The following CSGALNACT1 variants were observed in gnomAD, a reference collection of about 807,000 sequenced individuals.
CSGALNACT1 encodes the protein beta4GalNAcT-1.
In CSGALNACT1, 52 loss-of-function variants were observed where a neutral mutation model predicts 51.0. The ratio of observed to expected loss-of-function variants is 1.02; its 90% CI spans 0.82 to 1.29. The LOEUF is 1.29. Among genes scored for constraint, CSGALNACT1 ranks in the 50% most tolerant of loss-of-function variants. The pLI is 0.00. For missense variants in CSGALNACT1, 935 were observed against 679.2 expected, an observed-to-expected ratio of 1.38 and a Z score of -4.19; for synonymous variants, 341 against 254.4, an observed-to-expected ratio of 1.34 and a Z score of -3.24.
At chr8:19,463,434 C>A (rs1198322053) in intron 4 of CSGALNACT1, among the ~76,000 whole-genome samples, 3 of 151,984 alleles carry the variant, frequency 2.0e-5, no homozygotes, top group Non-Finnish European at 4.4e-5. Flanking sequence ...AAGGACGACA[C>A]CTAAAAAAAT....
At chr8:19,655,134 G>T (rs376806024) in intron 1 of CSGALNACT1, among the ~76,000 whole-genome samples, 1 of 152,226 alleles carries the variant, frequency 6.6e-6, no homozygotes, top group East Asian at 1.9e-4. Flanking sequence ...ATTAGCAGAA[G>T]TCATTTTCCT....
chr8:19,584,140 G>T (rs1048697547), intron 3 of CSGALNACT1, among the ~76,000 whole-genome samples: 1 of 152,176 alleles, frequency 6.6e-6, no homozygotes, highest in East Asian at 1.9e-4. Flanking sequence ...ACCCAGACTT[G>T]TGACTTTTGA....
chr8:19,740,367 G>T (rs1025805512), intron 1 of CSGALNACT1, among the ~76,000 whole-genome samples: 1 of 152,224 alleles, frequency 6.6e-6, no homozygotes, highest in African/African-American at 2.4e-5. Flanking sequence ...CAGCCTCAAA[G>T]CAGCTGCTCT....
rs554290544 is a variant in CSGALNACT1 at position 19,649,195 on chromosome 8, G to A, written c.-544+33278C>T. Among the ~76,000 whole-genome samples the A allele has an allele frequency of 3.7e-4, 56 of 152,300 alleles. No individual in the cohort carries two copies. In the South Asian group the frequency reaches 9.1e-3, roughly 25 times the overall value. ...CAGATGAGAAAAATGGAGGCACAAG[G>A]AGGTTTAGTCACTTGCCCAGGATCA... On this transcript the variant is annotated intron_variant, in intron 1 of 9. Transcript: ENST00000332246.
intron 1 of CSGALNACT1, among the ~76,000 whole-genome samples, chr8:19,756,179 G>C (rs966790898): frequency 5.9e-5 from 9 of 151,764 alleles, no homozygotes; most frequent in African/African-American, 1.9e-4. Context: ...TTTCTTGTAG[G>C]AACAATGTCG....
chr8:19,490,434 C>T (rs2074106210), intron 4 of CSGALNACT1, among the ~76,000 whole-genome samples: 1 of 152,162 alleles, frequency 6.6e-6, no homozygotes, highest in African/African-American at 2.4e-5. Flanking sequence ...TTGAAAACTC[C>T]TATTCATCTC....
intron 6 of CSGALNACT1, among the ~76,000 whole-genome samples, chr8:19,432,648 A>C (rs150834125): frequency 1.8e-3 from 277 of 152,058 alleles, no homozygotes; most frequent in African/African-American, 6.3e-3. Context: ...GAGTCATTGC[A>C]GTTGGCTTAT....
intron 1 of CSGALNACT1, among the ~76,000 whole-genome samples, chr8:19,701,154 T>TTTTTTTTG (rs1491196958): frequency 8.3e-5 from 3 of 36,066 alleles, no homozygotes; most frequent in Non-Finnish European, 1.9e-4. Flanking sequence ...CTATTATCCG[T>TTTTTTTTG]TTTTTTTTTT....
intron 3 of CSGALNACT1, among the ~76,000 whole-genome samples, chr8:19,513,880 C>T (rs1166681838): frequency 2.0e-5 from 3 of 152,108 alleles, no homozygotes; most frequent in African/African-American, 4.8e-5. Context: ...CACATGTATT[C>T]GGTCCACTGA....
chr8:19,455,063 T>C (rs927331223), intron 5 of CSGALNACT1, among the ~76,000 whole-genome samples: 1 of 152,282 alleles, frequency 6.6e-6, no homozygotes, highest in East Asian at 1.9e-4. Context: ...GCAAAGAAAA[T>C]TGCCCAAAGT....
chr8:19,538,588 C>T (rs1315627852), intron 3 of CSGALNACT1, among the ~76,000 whole-genome samples: 1 of 152,072 alleles, frequency 6.6e-6, no homozygotes, highest in Non-Finnish European at 1.5e-5. Flanking sequence ...AGGAGGAGGC[C>T]TTCAGGATAA....
At chr8:19,421,616 C>T (rs1039741528) in intron 6 of CSGALNACT1, among the ~76,000 whole-genome samples, 3 of 152,220 alleles carry the variant, frequency 2.0e-5, no homozygotes, top group Admixed American at 1.3e-4. Context: ...CCAAAAGGTA[C>T]AGAAACTCAT....
intron 3 of CSGALNACT1, among the ~76,000 whole-genome samples, chr8:19,514,476 T>C (rs1353139183): frequency 3.5e-4 from 5 of 14,376 alleles, no homozygotes; most frequent in Admixed American, 8.1e-4. Flanking sequence ...GAACAGAGAC[T>C]ATATATATAT....
At chr8:19,407,187 AT>A (rs34176912) in intron 9 of CSGALNACT1, among the ~76,000 whole-genome samples, 7 of 150,592 alleles carry the variant, frequency 4.6e-5, no homozygotes, top group African/African-American at 7.3e-5. Context: ...TGACTTCAAC[AT>A]TTTTTTTTTA....
chr8:19,525,986 G>A (rs2081605989), intron 3 of CSGALNACT1, among the ~76,000 whole-genome samples: 1 of 152,158 alleles, frequency 6.6e-6, no homozygotes. Flanking sequence ...TTTATCATAT[G>A]TGCAAGAATG....
upstream of CSGALNACT1, among the ~76,000 whole-genome samples, chr8:19,603,958 C>T (rs2050974272): frequency 6.6e-6 from 1 of 152,186 alleles, no homozygotes; most frequent in African/African-American, 2.4e-5. Context: ...TAACATACAT[C>T]GAGCCCTGGA....
chr8:19,424,187 G>A (rs577174543), intron 6 of CSGALNACT1, among the ~76,000 whole-genome samples: 2 of 152,274 alleles, frequency 1.3e-5, no homozygotes, highest in African/African-American at 4.8e-5. Flanking sequence ...CAGAAGGCAG[G>A]GTGGGGACAG....
chr8:19,690,999 G>A (rs1227321791), intron 1 of CSGALNACT1, among the ~76,000 whole-genome samples: 1 of 152,176 alleles, frequency 6.6e-6, no homozygotes, highest in Non-Finnish European at 1.5e-5. Context: ...GGCCAAGAGA[G>A]GAAGATTGCT....
intron 4 of CSGALNACT1, among the ~76,000 whole-genome samples, chr8:19,470,777 G>T (rs959237671): frequency 6.6e-6 from 1 of 152,160 alleles, no homozygotes; most frequent in Admixed American, 6.6e-5. Flanking sequence ...CTAAGGAGAA[G>T]CAATGTCCTG....
Sources: gnomAD v4.1 joint callset for allele counts (sites outside exome capture counted in the v4.1 genomes callset) on GRCh38, gnomAD v4.1.1 for gene constraint, MANE v1.5 for transcripts, NCBI Gene and HGNC (gene_info 2026-07-23, HGNC 2026-07-21) for gene names.